Variants in PDZRN4 observed in about 807,000 individuals in gnomAD.
PDZRN4 encodes PDZ domain-containing RING finger protein 4.
In PDZRN4, 70 loss-of-function variants were observed where a neutral mutation model predicts 99.0. The ratio of observed to expected loss-of-function variants is 0.71; its 90% CI spans 0.58 to 0.86. The LOEUF (loss-of-function observed/expected upper bound fraction) is 0.86, where lower values mean the gene tolerates loss of function less well. Ranked by LOEUF, PDZRN4 falls within the 40% of genes least tolerant of loss-of-function variation. The pLI is 0.00. For missense variants in PDZRN4, 1,474 were observed against 1,331.2 expected, an observed-to-expected ratio of 1.11 and a Z score of -1.67; for synonymous variants, 551 against 501.6, an observed-to-expected ratio of 1.10 and a Z score of -1.32.
intron 3 of PDZRN4, among the ~76,000 whole-genome samples, chr12:41,497,257 T>C (rs1258373293): frequency 6.6e-6 from 1 of 151,982 alleles, no homozygotes; most frequent in East Asian, 1.9e-4. Flanking sequence ...GTTTGCAGGA[T>C]TTTTTTTAAG....
chr12:41,326,755 TC>T (rs761303807), intron 3 of PDZRN4, among the ~76,000 whole-genome samples: 21 of 152,180 alleles, frequency 1.4e-4, no homozygotes, highest in Non-Finnish European at 2.6e-4. Flanking sequence ...TAAAATTTAT[TC>T]CTGCTTACAG....
chr12:41,316,457 TGTGTG>T, intron 3 of PDZRN4, among the ~76,000 whole-genome samples: 1 of 29,112 alleles, frequency 3.4e-5, no homozygotes, highest in African/African-American at 2.7e-4. Context: ...AAAAGGCAAA[TGTGTG>T]TGTGTGTGTG....
At chr12:41,229,778 C>A (rs1353432392) in intron 3 of PDZRN4, among the ~76,000 whole-genome samples, 1 of 152,048 alleles carries the variant, frequency 6.6e-6, no homozygotes, top group Non-Finnish European at 1.5e-5. Context: ...TATTAACAGA[C>A]TTTCTCTACC....
At chr12:41,249,658 A>T (rs138133110) in intron 3 of PDZRN4, among the ~76,000 whole-genome samples, 2 of 152,192 alleles carry the variant, frequency 1.3e-5, no homozygotes, top group Admixed American at 1.3e-4. Flanking sequence ...AAGAAGCATA[A>T]CGATGGATTT....
chr12:41,297,590 T>TG (rs1951504636), intron 3 of PDZRN4, among the ~76,000 whole-genome samples: 1 of 152,134 alleles, frequency 6.6e-6, no homozygotes, highest in East Asian at 1.9e-4. Flanking sequence ...GCCTAAAAGG[T>TG]GCTAGGACAT....
chr12:41,344,910 T>G (rs1951842792), intron 3 of PDZRN4, among the ~76,000 whole-genome samples: 1 of 151,996 alleles, frequency 6.6e-6, no homozygotes, highest in Non-Finnish European at 1.5e-5. Flanking sequence ...AGATGAGCAA[T>G]GCTATTAGAC....
intron 7 of PDZRN4, among the ~76,000 whole-genome samples, chr12:41,557,672 T>C (rs919332443): frequency 4.6e-5 from 7 of 151,440 alleles, no homozygotes; most frequent in Non-Finnish European, 8.8e-5. Context: ...AGCTAGATAG[T>C]GCAGAGCTCC....
At chr12:41,269,091 ATCT>A (rs1408749438) in intron 3 of PDZRN4, among the ~76,000 whole-genome samples, 1 of 152,164 alleles carries the variant, frequency 6.6e-6, no homozygotes, top group Non-Finnish European at 1.5e-5. Flanking sequence ...ATGGAATAAA[ATCT>A]TCTCCAGATC....
rs1370662864 is a variant in PDZRN4, at chr12:41,496,973, A to G, written c.844-9483A>G. ...GAACCTCTGGTGAAGATACTTTACC[A>G]TCTTCTTTCCCGTTATGACAGACGC... On this transcript the variant is annotated intron_variant, in intron 3 of 9. Transcript: ENST00000402685. 3.3e-5 allele frequency among the ~76,000 whole-genome samples: 5 copies of G among 152,118 alleles called. No homozygotes were observed. The East Asian group carries it at 7.7e-4, about 24-fold the overall frequency.
At chr12:41,311,061 A>C (rs1444013069) in intron 3 of PDZRN4, among the ~76,000 whole-genome samples, 2 of 152,270 alleles carry the variant, frequency 1.3e-5, no homozygotes, top group Admixed American at 6.5e-5. Context: ...CAAAACTCTT[A>C]TTACACCAAA....
At chr12:41,239,561 A>T (rs1450301449) in intron 3 of PDZRN4, among the ~76,000 whole-genome samples, 10 of 152,226 alleles carry the variant, frequency 6.6e-5, no homozygotes, top group Admixed American at 6.5e-4. Flanking sequence ...GGGAAATTAC[A>T]TGCTTTACTG....
Position 41,359,513 on chromosome 12 carries a change from A to G in PDZRN4, c.844-146943A>G, listed in dbSNP as rs140606962. 4.9e-3 allele frequency among the ~76,000 whole-genome samples: 749 copies of G among 152,076 alleles called. 5 individuals are homozygous for G. The highest frequency in any genetic ancestry group is 0.017 in the African/African-American group (707 of 41,512). On this transcript the variant is annotated intron_variant, in intron 3 of 9. Coordinates refer to ENST00000402685, the MANE Select transcript of PDZRN4 (RefSeq NM_001164595.2). Reference sequence around the variant, plus strand: ...TCTCATCTTGAATTGTAACTCCCATACAAGTGGGAATTATAATTCCCAACT... The same window carrying G: ...TCTCATCTTGAATTGTAACTCCCATGCAAGTGGGAATTATAATTCCCAACT...
At chr12:41,566,153 T>C (rs992177090) in intron 8 of PDZRN4, among the ~76,000 whole-genome samples, 3 of 152,188 alleles carry the variant, frequency 2.0e-5, no homozygotes, top group Non-Finnish European at 2.9e-5. Context: ...ATCTACTGGA[T>C]TACTCAATAA....
In PDZRN4 at chr12:41,572,934, G is replaced by A. The variant is rs1471283014; in HGVS notation, c.2155G>A (p.Gly719Arg). The change falls in exon 10 of 10, where the codon GGA becomes AGA. Residue 719 changes from glycine (G) to arginine (R), a missense_variant. By Grantham distance (125) the Gly-to-Arg change is moderately radical. Coordinates refer to ENST00000402685, the MANE Select transcript of PDZRN4 (RefSeq NM_001164595.2). Reference sequence around the variant, plus strand: ...TAACACCAGCATAGATATGCAAAGGGGAAAGCTAGATGACATCATGGAGCA... The same window carrying A: ...TAACACCAGCATAGATATGCAAAGGAGAAAGCTAGATGACATCATGGAGCA... ...NYNTSIDMQR[G>R]KLDDIMEHPE... 2 of 1,613,948 alleles carry A rather than the reference G, an allele frequency of 1.2e-6. No homozygotes were observed. Among genetic ancestry groups the A allele is most frequent in the Non-Finnish European group, 1.7e-6 (2 of 1,180,008 alleles).
At chr12:41,440,718 C>A (rs1952671792) in intron 3 of PDZRN4, among the ~76,000 whole-genome samples, 1 of 152,128 alleles carries the variant, frequency 6.6e-6, no homozygotes, top group Non-Finnish European at 1.5e-5. Flanking sequence ...GACCCAGTAA[C>A]CTTCACACCA....
At chr12:41,201,828 T>C (rs1016020584) in intron 3 of PDZRN4, among the ~76,000 whole-genome samples, 3 of 152,172 alleles carry the variant, frequency 2.0e-5, no homozygotes, top group African/African-American at 7.2e-5. Flanking sequence ...TGTATCTTTC[T>C]AGACTGTTTC....
intron 3 of PDZRN4, among the ~76,000 whole-genome samples, chr12:41,466,524 A>C (rs1952927253): frequency 6.6e-6 from 1 of 152,140 alleles, no homozygotes; most frequent in Admixed American, 6.5e-5. Context: ...GAGACGTTAG[A>C]TGACCCTTTC....
intron 3 of PDZRN4, among the ~76,000 whole-genome samples, chr12:41,485,292 T>C (rs1227433890): frequency 6.6e-6 from 1 of 152,126 alleles, no homozygotes; most frequent in African/African-American, 2.4e-5. Flanking sequence ...AATGCATTAT[T>C]CTGTATTTGG....
At chr12:41,257,094 C>A (rs1275253906) in intron 3 of PDZRN4, among the ~76,000 whole-genome samples, 1 of 152,208 alleles carries the variant, frequency 6.6e-6, no homozygotes, top group Non-Finnish European at 1.5e-5. Context: ...AGTACCCCAA[C>A]CAACCTATAC....
Sources: allele counts gnomAD v4.1 joint callset (sites outside exome capture counted in the v4.1 genomes callset), GRCh38; gene constraint gnomAD v4.1.1; transcripts MANE v1.5; gene names NCBI Gene and HGNC (gene_info 2026-07-23, HGNC 2026-07-21).